The following CSMD2 variants were observed in gnomAD, a reference collection of about 807,000 sequenced individuals.
CSMD2 encodes the protein CUB and sushi domain-containing protein 2.
In CSMD2, 130 loss-of-function variants were observed where a neutral mutation model predicts 398.5. The ratio of observed to expected loss-of-function variants is 0.33; its 90% CI spans 0.28 to 0.38. The LOEUF (loss-of-function observed/expected upper bound fraction) is 0.38, where lower values mean the gene tolerates loss of function less well. Ranked by LOEUF, CSMD2 falls within the 10% of genes least tolerant of loss-of-function variation. CSMD2 has a pLI of 1.00. For missense variants in CSMD2, 3,829 were observed against 4,764.9 expected (o/e 0.80, Z 5.78); for synonymous variants, 1,828 against 1,908.5 (o/e 0.96, Z 1.10).
intron 1 of CSMD2, among the ~76,000 whole-genome samples, chr1:34,121,198 A>T (rs976304683): frequency 6.6e-6 from 1 of 152,192 alleles, no homozygotes; most frequent in Non-Finnish European, 1.5e-5. Flanking sequence ...GTTTTCTCCT[A>T]TGTTCTTCCA....
chr1:33,851,959 G>A (rs190784129), intron 5 of CSMD2, among the ~76,000 whole-genome samples: 1 of 152,112 alleles, frequency 6.6e-6, no homozygotes, highest in East Asian at 1.9e-4. Flanking sequence ...CACCCTGGTT[G>A]TGTGGACAGC....
intron 2 of CSMD2, among the ~76,000 whole-genome samples, chr1:34,084,781 G>A (rs1312217729): frequency 1.3e-5 from 2 of 151,844 alleles, no homozygotes; most frequent in Admixed American, 1.3e-4. Flanking sequence ...CACTGTTGGT[G>A]GGACTGTAAA....
At position 34,164,289 on chromosome 1, in the gene CSMD2, G is replaced by A. The variant is rs1641654554; in HGVS notation, c.187+622C>T. Among the ~76,000 whole-genome samples the A allele has an allele frequency of 1.3e-5, 2 of 151,482 alleles. No individual in the cohort carries two copies. The highest frequency in any genetic ancestry group is 4.8e-5 in the African/African-American group (2 of 41,278). ...GCAAGGAATGCGCGGGACCCCCACC[G>A]TGGGCACGCGTCCACCTGAACCCCC... is the stretch of plus-strand genomic sequence containing the variant. On this transcript the variant is annotated intron_variant, in intron 1 of 70. Coordinates refer to ENST00000373381, the MANE Select transcript of CSMD2 (RefSeq NM_001281956.2). This position sits in a 1 kb window ranked among gnomAD's most constrained non-coding sequence, Gnocchi z 6.2.
chr1:33,737,852 G>A (rs922121226), intron 15 of CSMD2, among the ~76,000 whole-genome samples: 6 of 152,182 alleles, frequency 3.9e-5, no homozygotes, highest in Non-Finnish European at 7.3e-5. Flanking sequence ...CAGTGAAGGC[G>A]CAGCTTATGA....
chr1:34,000,743 T>C (rs1343749610), intron 3 of CSMD2, among the ~76,000 whole-genome samples: 1 of 152,192 alleles, frequency 6.6e-6, no homozygotes, highest in Non-Finnish European at 1.5e-5. Context: ...GGAAGCAAGA[T>C]GAATTCAGAA....
chr1:33,695,747 T>C (rs939903954), intron 24 of CSMD2, among the ~76,000 whole-genome samples: 1 of 152,240 alleles, frequency 6.6e-6, no homozygotes, highest in Non-Finnish European at 1.5e-5. Flanking sequence ...AACTTTTCAG[T>C]AGAGCCCACT....
At chr1:34,093,588 G>C in intron 1 of CSMD2, among the ~76,000 whole-genome samples, 1 of 151,688 alleles carries the variant, frequency 6.6e-6, no homozygotes, top group Non-Finnish European at 1.5e-5. Flanking sequence ...TGAAAACCAA[G>C]GCTCGAGAAC....
At chr1:34,088,887 A>G in intron 2 of CSMD2, 90 bp downstream of exon 2, 1 of 1,096,968 alleles carries the variant, frequency 9.1e-7, no homozygotes, top group Non-Finnish European at 1.4e-6. Flanking sequence ...GTTGATGACC[A>G]TAAACTTTTC....
Position 33,709,224 on chromosome 1 carries a change from A to T in CSMD2, c.3441T>A (p.Gly1147=). The part of the protein sequence containing the change: ...ECGNSVTGTQ[G]TLLSPNFPVN... ...CAGGAAAGTTGGGGGACAGCAAAGT[A>T]CCCTGAGTGCCTGTGACTGAATTCC... Residue 1147 remains glycine, a synonymous_variant, in exon 22 of 71, where the codon GGT becomes GGA. Coordinates refer to ENST00000373381, the MANE Select transcript of CSMD2 (RefSeq NM_001281956.2). 3 of 1,613,982 alleles carry T rather than the reference A, an allele frequency of 1.9e-6. No homozygotes were observed. The highest frequency in any genetic ancestry group is 2.5e-6 in the Non-Finnish European group (3 of 1,179,964).
In CSMD2 at chr1:33,739,700, C is replaced by T. The variant is rs78346613; in HGVS notation, c.2174-366G>A. On this transcript the variant is annotated intron_variant, in intron 14 of 70. Coordinates refer to ENST00000373381, the MANE Select transcript of CSMD2 (RefSeq NM_001281956.2). Reference sequence around the variant, plus strand: ...GGCTCAGTGTGGTTAATGAGCTGATCTGTCTCCTCAATGTCAAATCCATTC... The same window carrying T: ...GGCTCAGTGTGGTTAATGAGCTGATTTGTCTCCTCAATGTCAAATCCATTC... Among the ~76,000 whole-genome samples the T allele has an allele frequency of 4.1e-4, 62 of 152,284 alleles. 1 individual carries two copies. Among genetic ancestry groups the T allele is most frequent in the Non-Finnish European group, 6.3e-4 (43 of 68,024 alleles).
chr1:33,642,446 G>A (rs1571054653), intron 29 of CSMD2, among the ~76,000 whole-genome samples: 1 of 152,132 alleles, frequency 6.6e-6, no homozygotes, highest in South Asian at 2.1e-4. Context: ...CCAGGAGAAT[G>A]GAAAAGCAAG....
At chr1:34,090,118 C>A (rs978865170) in intron 1 of CSMD2, among the ~76,000 whole-genome samples, 1 of 152,152 alleles carries the variant, frequency 6.6e-6, no homozygotes, top group Non-Finnish European at 1.5e-5. Context: ...CTCTTGCTCA[C>A]CCTCCTTTCA....
chr1:33,867,723 A>G (rs983309060), intron 5 of CSMD2, among the ~76,000 whole-genome samples: 1 of 151,908 alleles, frequency 6.6e-6, no homozygotes, highest in Non-Finnish European at 1.5e-5. Flanking sequence ...GCCACCTCCC[A>G]CCGTCCAGTG....
chr1:34,028,208 C>A (rs1047593452), intron 3 of CSMD2, among the ~76,000 whole-genome samples: 5 of 152,022 alleles, frequency 3.3e-5, no homozygotes, highest in African/African-American at 1.2e-4. Flanking sequence ...GCGGTCCCAG[C>A]TACTTCAGGG....
Position 33,580,688 on chromosome 1 carries a change from C to G in CSMD2, c.7387+65G>C. On this transcript the variant is annotated intron_variant, in intron 48 of 70. Coordinates refer to ENST00000373381, the MANE Select transcript of CSMD2 (RefSeq NM_001281956.2). ...AGGAGGGGAATGGCCGCCCGGTCTC[C>G]ACAGAGGAGCTTGAGGCTTCGATGA... The G allele has an allele frequency of 1.9e-6, 3 of 1,592,434 alleles. No individual in the cohort carries two copies. The South Asian group carries it at 3.4e-5, about 18-fold the overall frequency.
chr1:33,611,234 G>C lies in CSMD2; in HGVS notation c.6150C>G (p.Phe2050Leu), dbSNP rs747754155. 1 of 1,613,814 alleles carries C rather than the reference G, an allele frequency of 6.2e-7. No individual in the cohort carries two copies. Among genetic ancestry groups the C allele is most frequent in the South Asian group, 1.1e-5 (1 of 90,980 alleles). The change falls in exon 41 of 71, where the codon TTC becomes TTG. Residue 2050 changes from phenylalanine (F) to leucine (L), a missense_variant. Phe to Leu is a conservative substitution (Grantham distance 22). This residue lies in a region of CSMD2 where 2,001 missense variants were observed against 2,567.1 expected (regional missense o/e 0.78). Transcript: ENST00000373381. ...LPVGFGAHIQ[F>L]LNFSTEPNHD... ...GGTTGGGCTCGGTGGAGAAGTTCAGGAACTGGATGTGAGCTCCTGGGAGCA... is the reference window on the plus strand; with the variant it reads ...GGTTGGGCTCGGTGGAGAAGTTCAGCAACTGGATGTGAGCTCCTGGGAGCA...
At position 33,668,033 on chromosome 1, in the gene CSMD2, C is replaced by G. The variant is rs535868566; in HGVS notation, c.4053-4941G>C. Among the ~76,000 whole-genome samples the G allele has an allele frequency of 2.7e-3, 412 of 152,282 alleles. 3 individuals carry two copies. The highest frequency in any genetic ancestry group is 9.3e-3 in the African/African-American group (385 of 41,564). On this transcript the variant is annotated intron_variant, in intron 25 of 70. Coordinates refer to ENST00000373381, the MANE Select transcript of CSMD2 (RefSeq NM_001281956.2). ...GCTGAGGCAGAGCATCCACTTTAGA[C>G]AGAGTGGCCGGAGAAGACCTTCTAA... is the stretch of plus-strand genomic sequence containing the variant.
chr1:33,560,057 A>G (rs1658400676), intron 53 of CSMD2, among the ~76,000 whole-genome samples: 2 of 152,146 alleles, frequency 1.3e-5, no homozygotes, highest in South Asian at 4.1e-4. Flanking sequence ...GGGAGTAATG[A>G]GCTGGCATGT....
chr1:33,600,986 T>G lies in CSMD2; in HGVS notation c.6735A>C (p.Pro2245=). 1 of 1,614,140 alleles carries G rather than the reference T, an allele frequency of 6.2e-7. No homozygotes were observed. Among genetic ancestry groups the G allele is most frequent in the East Asian group, 2.2e-5 (1 of 44,880 alleles). ...TIWDGPQQTA[P]RLGVFTRSMA... ...TGCTCCGGGTGAAGACGCCGAGCCG[T>G]GGTGCTGTTTGCTGTGGCCCATCCC... The change falls in exon 44 of 71, where the codon CCA becomes CCC. Residue 2245 remains proline, a synonymous_variant. Transcript: ENST00000373381.
Sources: gnomAD v4.1 joint callset for allele counts (sites outside exome capture counted in the v4.1 genomes callset) on GRCh38, gnomAD v4.1.1 for gene constraint, gnomAD v4.1.1 regional missense constraint, Gnocchi (gnomAD v3.1) non-coding constraint, MANE v1.5 for transcripts, NCBI Gene and HGNC (gene_info 2026-07-23, HGNC 2026-07-21) for gene names.